CAP2: variants seen among roughly 807,000 people sequenced by gnomAD.
The protein encoded by CAP2 is cyclase associated actin cytoskeleton regulatory protein 2.
In CAP2, 24 loss-of-function variants were observed where a neutral mutation model predicts 57.7. The observed-to-expected ratio is 0.42, with a 90% CI of 0.30 to 0.58. The LOEUF is 0.58. Ranked by LOEUF, CAP2 falls within the 20% of genes least tolerant of loss-of-function variation. The pLI, the probability that CAP2 is intolerant of heterozygous loss-of-function variation, is 0.22. For missense variants in CAP2, 501 were observed against 590.3 expected, an observed-to-expected ratio of 0.85 and a Z score of 1.57; for synonymous variants, 194 against 207.2, an observed-to-expected ratio of 0.94 and a Z score of 0.55.
intron 4 of CAP2, 57 bp from the exon 5 acceptor site, chr6:17,507,112 G>C: frequency 4.4e-6 from 7 of 1,588,312 alleles, no homozygotes; most frequent in Non-Finnish European, 6.1e-6. Flanking sequence ...CATGGATAGA[G>C]GTGCTATGCG....
intron 3 of CAP2, among the ~76,000 whole-genome samples, chr6:17,449,333 C>T (rs1022960629): frequency 1.3e-5 from 2 of 152,050 alleles, no homozygotes; most frequent in African/African-American, 2.4e-5. Flanking sequence ...AAATTAGTGT[C>T]ATTTGACTTG....
chr6:17,422,726 G>T (rs1413464696), intron 2 of CAP2, among the ~76,000 whole-genome samples: 1 of 152,046 alleles, frequency 6.6e-6, no homozygotes, highest in Non-Finnish European at 1.5e-5. Context: ...AAAATAAAAA[G>T]TTGGCTACTT....
At chr6:17,413,708 G>A (rs1313223003) in intron 1 of CAP2, among the ~76,000 whole-genome samples, 1 of 152,136 alleles carries the variant, frequency 6.6e-6, no homozygotes. Flanking sequence ...CCCAGTGCTT[G>A]GTAGTTTCCT....
chr6:17,399,023 A>G (rs1758742578), intron 1 of CAP2, among the ~76,000 whole-genome samples: 2 of 152,138 alleles, frequency 1.3e-5, no homozygotes, highest in East Asian at 1.9e-4. Flanking sequence ...GAATGTGCCT[A>G]TTCTAAGTAC....
chr6:17,469,067 C>CA (rs1455505560), intron 4 of CAP2, among the ~76,000 whole-genome samples: 1 of 152,248 alleles, frequency 6.6e-6, no homozygotes, highest in African/African-American at 2.4e-5. Flanking sequence ...GATGAGAAAA[C>CA]AAGAGTGTTA....
chr6:17,482,621 G>C (rs1448428571), intron 4 of CAP2, among the ~76,000 whole-genome samples: 1 of 151,830 alleles, frequency 6.6e-6, no homozygotes, highest in African/African-American at 2.4e-5. Flanking sequence ...ACTTCTTGAG[G>C]GTTGCTGGTA....
At chr6:17,439,523 A>G (rs1760010151) in intron 3 of CAP2, among the ~76,000 whole-genome samples, 1 of 151,150 alleles carries the variant, frequency 6.6e-6, no homozygotes, top group Admixed American at 6.6e-5. Flanking sequence ...GACCGGGGAG[A>G]GGGATTGCAC....
chr6:17,397,171 C>T (rs927089437), intron 1 of CAP2, among the ~76,000 whole-genome samples: 1 of 151,998 alleles, frequency 6.6e-6, no homozygotes, highest in African/African-American at 2.4e-5. Flanking sequence ...GAGATGCTCC[C>T]GCCTCAGCCT....
At chr6:17,442,237 A>G (rs1760105345) in intron 3 of CAP2, among the ~76,000 whole-genome samples, 1 of 152,164 alleles carries the variant, frequency 6.6e-6, no homozygotes, top group Non-Finnish European at 1.5e-5. Context: ...GGGGAAGGAA[A>G]CCTGGGTTTC....
At chr6:17,514,348 G>A (rs1274013000) in intron 7 of CAP2, among the ~76,000 whole-genome samples, 1 of 152,178 alleles carries the variant, frequency 6.6e-6, no homozygotes, top group East Asian at 1.9e-4. Flanking sequence ...GGGCGACAGA[G>A]CAAAACTCTG....
intron 4 of CAP2, among the ~76,000 whole-genome samples, chr6:17,483,939 G>C (rs936619426): frequency 2.0e-5 from 3 of 151,844 alleles, no homozygotes; most frequent in African/African-American, 7.3e-5. Flanking sequence ...TCTCCTGTGT[G>C]CTTCTTGTCT....
intron 3 of CAP2, among the ~76,000 whole-genome samples, chr6:17,436,396 G>C (rs1359709960): frequency 6.6e-6 from 1 of 152,162 alleles, no homozygotes; most frequent in Non-Finnish European, 1.5e-5. Context: ...GCCTCCCAAA[G>C]TGCTGGGATT....
intron 1 of CAP2, among the ~76,000 whole-genome samples, chr6:17,412,845 C>T (rs949763954): frequency 2.2e-4 from 34 of 152,094 alleles, no homozygotes; most frequent in Admixed American, 1.2e-3. Context: ...TATGTGGTTT[C>T]GATAGTCGAT....
intron 1 of CAP2, among the ~76,000 whole-genome samples, chr6:17,419,438 G>C (rs1759372894): frequency 6.6e-6 from 1 of 152,092 alleles, no homozygotes; most frequent in Non-Finnish European, 1.5e-5. Context: ...CTCTTAAGGA[G>C]CAGCAGCCTG....
At chr6:17,468,200 C>T (rs1456143303) in intron 4 of CAP2, among the ~76,000 whole-genome samples, 1 of 152,132 alleles carries the variant, frequency 6.6e-6, no homozygotes, top group African/African-American at 2.4e-5. Flanking sequence ...CTTCACCCTT[C>T]CATCTATCCT....
At chr6:17,492,322 A>G (rs1232567573) in intron 4 of CAP2, among the ~76,000 whole-genome samples, 1 of 152,178 alleles carries the variant, frequency 6.6e-6, no homozygotes, top group Non-Finnish European at 1.5e-5. Flanking sequence ...AAATAAGTCT[A>G]TGGGCTGGAA....
At chr6:17,458,724 A>G (rs1441204297) in intron 3 of CAP2, among the ~76,000 whole-genome samples, 2 of 152,156 alleles carry the variant, frequency 1.3e-5, no homozygotes, top group African/African-American at 2.4e-5. Context: ...CCTATTTACT[A>G]GAGAAGTCAG....
intron 3 of CAP2, among the ~76,000 whole-genome samples, chr6:17,439,917 G>A (rs967033257): frequency 6.6e-5 from 10 of 151,572 alleles, no homozygotes; most frequent in Non-Finnish European, 1.0e-4. Flanking sequence ...TGTCCTGGGG[G>A]TTGGGGACCC....
rs568190192 is a variant in CAP2 at position 17,544,139 on chromosome 6, A to AG, written c.1209+996_1209+997insG. On this transcript the variant is annotated intron_variant, in intron 11 of 12. Transcript: ENST00000229922. Reference sequence around the variant, plus strand: ...GACTCTGTCTCAAAAAAAAAAAAAGAAAAGAAAAAAAGGACAGCTATGTAA... The same window carrying AG: ...GACTCTGTCTCAAAAAAAAAAAAAGAGAAAGAAAAAAAGGACAGCTATGTAA... Among the ~76,000 whole-genome samples the AG allele has an allele frequency of 1.3e-3, 186 of 147,360 alleles. 3 individuals carry two copies. Among genetic ancestry groups the AG allele is most frequent in the African/African-American group, 2.0e-3 (79 of 40,466 alleles).
Sources: gnomAD v4.1 joint callset for allele counts (sites outside exome capture counted in the v4.1 genomes callset) on GRCh38, gnomAD v4.1.1 for gene constraint, MANE v1.5 for transcripts, NCBI Gene and HGNC (gene_info 2026-07-23, HGNC 2026-07-21) for gene names.